Variants in MALL observed in about 807,000 individuals in gnomAD.
MALL encodes the protein MAL-like protein.
Under a neutral mutation model 10.3 loss-of-function variants are expected in MALL, and 2 were observed. The ratio of observed to expected loss-of-function variants is 0.19; its 90% CI spans 0.08 to 0.61. The LOEUF (loss-of-function observed/expected upper bound fraction) is 0.61. Ranked by LOEUF, MALL falls within the 20% of genes least tolerant of loss-of-function variation. MALL has a pLI of 0.88. For synonymous variants in MALL, 27 were observed against 51.8 expected (o/e 0.52, Z 2.05); for missense variants, 39 against 115.2 (o/e 0.34, Z 3.03).
chr2:110,113,435 C>CAAAAAAAA (rs58360665), intron 1 of MALL, among the ~76,000 whole-genome samples: 2 of 31,822 alleles, frequency 6.3e-5, no homozygotes, highest in African/African-American at 9.1e-5. Context: ...GACTCTGTCT[C>CAAAAAAAA]AAAAAAAAAA....
chr2:110,100,026 C>A (rs903035321), intron 1 of MALL, among the ~76,000 whole-genome samples: 1 of 152,112 alleles, frequency 6.6e-6, no homozygotes, highest in Non-Finnish European at 1.5e-5. Context: ...CACTCCACTG[C>A]CTCACCTGAC....
At chr2:110,094,940 C>T (rs1374082437) in intron 1 of MALL, among the ~76,000 whole-genome samples, 1 of 107,378 alleles carries the variant, frequency 9.3e-6, no homozygotes, top group Non-Finnish European at 1.9e-5. Context: ...CCAGGGGCCT[C>T]TGAGCATTTG....
intron 1 of MALL, among the ~76,000 whole-genome samples, 154 bp from the exon 2 acceptor site, chr2:110,091,924 AGTCACG>A (rs1457290431): frequency 1.3e-5 from 2 of 151,968 alleles, no homozygotes; most frequent in Non-Finnish European, 2.9e-5. Flanking sequence ...GGCCCCGCTG[AGTCACG>A]GTAAAGTCAG....
chr2:110,092,863 A>G (rs1678401129), intron 1 of MALL, among the ~76,000 whole-genome samples: 1 of 54,982 alleles, frequency 1.8e-5, no homozygotes, highest in Non-Finnish European at 4.9e-5. Flanking sequence ...AGAGGGTAGT[A>G]GTCTGTTTGA....
intron 1 of MALL, among the ~76,000 whole-genome samples, chr2:110,109,683 T>A (rs1477737558): frequency 6.6e-6 from 1 of 152,086 alleles, no homozygotes; most frequent in Non-Finnish European, 1.5e-5. Flanking sequence ...GGATTTAAAC[T>A]ACCTTGGAAC....
At chr2:110,117,620 TGTGTGAGAGAGAGAGAGAGAGA>T, upstream of MALL, among the ~76,000 whole-genome samples, 2 of 133,380 alleles carry the variant, frequency 1.5e-5, no homozygotes, top group South Asian at 2.5e-4. Flanking sequence ...TGTGTGTGTG[TGTGTGAGAGAGAGAGAGAGAGA>T]GAGAGAGAGA....
At chr2:110,095,976 A>T (rs1217507861) in intron 1 of MALL, among the ~76,000 whole-genome samples, 4 of 152,224 alleles carry the variant, frequency 2.6e-5, no homozygotes, top group African/African-American at 9.6e-5. Flanking sequence ...ACTTAAAACA[A>T]AAACTTATTT....
chr2:110,096,078 C>A (rs1473061852), intron 1 of MALL, among the ~76,000 whole-genome samples: 1 of 152,134 alleles, frequency 6.6e-6, no homozygotes, highest in Non-Finnish European at 1.5e-5. Flanking sequence ...AAGAGCTTCT[C>A]AAATATACGC....
At chr2:110,117,499 C>T (rs1213016311), upstream of MALL, among the ~76,000 whole-genome samples, 1 of 151,848 alleles carries the variant, frequency 6.6e-6, no homozygotes, top group Non-Finnish European at 1.5e-5. Flanking sequence ...GAAGATATGC[C>T]TTGGTCTTCT....
intron 1 of MALL, among the ~76,000 whole-genome samples, chr2:110,113,787 G>A (rs536704472): frequency 6.6e-6 from 1 of 152,214 alleles, no homozygotes; most frequent in South Asian, 2.1e-4. Flanking sequence ...TGATAGCACA[G>A]TATCAGTGTT....
chr2:110,104,929 C>G (rs1302047508), intron 1 of MALL, among the ~76,000 whole-genome samples: 2 of 152,170 alleles, frequency 1.3e-5, no homozygotes, highest in African/African-American at 4.8e-5. Flanking sequence ...TGTTACTTGT[C>G]TTACAATGCG....
chr2:110,117,645 G>GAA (rs1371736590), upstream of MALL, among the ~76,000 whole-genome samples: 234 of 150,138 alleles, frequency 1.6e-3, 1 homozygote, highest in African/African-American at 5.0e-3. Flanking sequence ...GAGAGAGAGA[G>GAA]AGAGAGAGAG....
intron 1 of MALL, among the ~76,000 whole-genome samples, chr2:110,102,252 A>T (rs1294304861): frequency 6.6e-6 from 1 of 152,120 alleles, no homozygotes; most frequent in Non-Finnish European, 1.5e-5. Flanking sequence ...TCCCCAGTCT[A>T]TCTATGACTA....
At position 110,099,844 on chromosome 2, in the gene MALL, C is replaced by T. The variant is rs1441238412; in HGVS notation, c.106-8074G>A. 2.0e-5 allele frequency among the ~76,000 whole-genome samples: 3 copies of T among 152,174 alleles called. 1 individual carries two copies. The highest frequency in any genetic ancestry group is 7.2e-5 in the African/African-American group (3 of 41,448). On this transcript the variant is annotated intron_variant, in intron 1 of 3. Transcript: ENST00000272462. ...GGAGGAGAAAGAGGAAAGGAGCCTG[C>T]ATCCCAGATGACACGACCGAGCTGC...
chr2:110,117,629 G>A (rs1180585974), upstream of MALL, among the ~76,000 whole-genome samples: 1 of 77,860 alleles, frequency 1.3e-5, no homozygotes, highest in African/African-American at 4.7e-5. Flanking sequence ...GTGTGTGAGA[G>A]AGAGAGAGAG....
intron 1 of MALL, among the ~76,000 whole-genome samples, chr2:110,104,461 TTA>T (rs1678643451): frequency 6.6e-6 from 1 of 151,684 alleles, no homozygotes; most frequent in Non-Finnish European, 1.5e-5. Flanking sequence ...TCTGTCTTGT[TTA>T]TTTTGTATCG....
intron 1 of MALL, among the ~76,000 whole-genome samples, chr2:110,111,564 C>T (rs901195100): frequency 2.6e-5 from 4 of 152,070 alleles, no homozygotes; most frequent in African/African-American, 7.2e-5. Flanking sequence ...CTATAAAACA[C>T]TGCTGAAAGA....
At chr2:110,113,180 G>C (rs1254612540) in intron 1 of MALL, among the ~76,000 whole-genome samples, 1 of 151,672 alleles carries the variant, frequency 6.6e-6, no homozygotes, top group African/African-American at 2.4e-5. Context: ...GCTCACGCCT[G>C]TAATCTCAGC....
intron 1 of MALL, among the ~76,000 whole-genome samples, chr2:110,099,430 T>C (rs1431152147): frequency 2.0e-4 from 30 of 152,208 alleles, no homozygotes; most frequent in Non-Finnish European, 4.3e-4. Context: ...GAGGGTCCAC[T>C]GTGTTTTCAG....
Sources: allele counts gnomAD v4.1 joint callset (sites outside exome capture counted in the v4.1 genomes callset), GRCh38; gene constraint gnomAD v4.1.1; transcripts MANE v1.5; gene names NCBI Gene and HGNC (gene_info 2026-07-23, HGNC 2026-07-21).